Variants in QRICH1 observed in about 807,000 individuals in gnomAD.
The protein encoded by QRICH1 is transcriptional regulator QRICH1.
QRICH1 carries 16 observed loss-of-function variants against 87.1 expected under a neutral mutation model. The ratio of observed to expected loss-of-function variants is 0.18; its 90% CI spans 0.12 to 0.28. QRICH1 has a LOEUF of 0.28. Ranked by LOEUF, QRICH1 falls within the 10% of genes least tolerant of loss-of-function variation. The pLI, the probability that QRICH1 is intolerant of heterozygous loss-of-function variation, is 1.00. For synonymous variants in QRICH1, 367 were observed against 368.4 expected (o/e 1.00, Z 0.05); for missense variants, 647 against 951.7 (o/e 0.68, Z 4.21).
intron 3 of QRICH1, among the ~76,000 whole-genome samples, chr3:49,054,147 C>G (rs2093387734): frequency 2.0e-5 from 3 of 152,156 alleles, no homozygotes; most frequent in Non-Finnish European, 4.4e-5. Context: ...CACTGGCCCA[C>G]TAAAATGAAC....
chr3:49,048,469 G>C (rs1430365134), intron 3 of QRICH1, among the ~76,000 whole-genome samples: 25 of 146,048 alleles, frequency 1.7e-4, no homozygotes, highest in Non-Finnish European at 3.3e-4. Flanking sequence ...AAATCATCTG[G>C]ATTGCTTTAA....
rs536958021 is a variant in QRICH1 at position 49,039,590 on chromosome 3, C to T, written c.1786+4800G>A. 7.5e-4 allele frequency among the ~76,000 whole-genome samples: 93 copies of T among 124,068 alleles called. 1 individual carries two copies. The highest frequency in any genetic ancestry group is 2.7e-3 in the African/African-American group (85 of 31,464). 81.4% of individuals were successfully genotyped at this position (124,068 alleles called of 152,430 possible). ...GTGCTGAGATTGCACCACTGCACTC[C>T]AGCCTAGGCAACACAGAGACTCCAT... On this transcript the variant is annotated intron_variant, in intron 6 of 9. Transcript: ENST00000395443.
chr3:49,046,646 T>A (rs547326298), intron 4 of QRICH1, 67 bp from the exon 5 acceptor site: 1 of 1,536,980 alleles, frequency 6.5e-7, no homozygotes, highest in African/African-American at 1.4e-5. Flanking sequence ...TCAGAACAGA[T>A]ACTGCCCATC....
intron 2 of QRICH1, among the ~76,000 whole-genome samples, chr3:49,058,218 C>A (rs2093414655): frequency 6.6e-6 from 1 of 151,822 alleles, no homozygotes; most frequent in Non-Finnish European, 1.5e-5. Flanking sequence ...GGCGCAATCT[C>A]AGCTCACTGC....
intron 2 of QRICH1, among the ~76,000 whole-genome samples, chr3:49,064,172 C>T (rs1313353007): frequency 2.0e-5 from 3 of 151,572 alleles, no homozygotes; most frequent in Non-Finnish European, 2.9e-5. Context: ...CTCAGGTGAT[C>T]CGCCTGCCTC....
intron 1 of QRICH1, among the ~76,000 whole-genome samples, chr3:49,085,911 AT>A (rs2042158919): frequency 6.6e-6 from 1 of 152,138 alleles, no homozygotes; most frequent in African/African-American, 2.4e-5. Flanking sequence ...GAGACAAAAG[AT>A]TCTTAATTAG....
At chr3:49,031,913 A>G (rs2093242930) in intron 9 of QRICH1, among the ~76,000 whole-genome samples, 1 of 152,216 alleles carries the variant, frequency 6.6e-6, no homozygotes, top group Non-Finnish European at 1.5e-5. Flanking sequence ...TCAATATGTG[A>G]TGAAGGTAGA....
rs1364906561 is a variant in QRICH1, at chr3:49,094,014, AG to A, written c.-125del. On this transcript the variant is annotated 5_prime_UTR_variant, in exon 1 of 10. Coordinates refer to ENST00000395443, the MANE Select transcript of QRICH1 (RefSeq NM_198880.3). ...CTGCCGTCGTCGCTCCAAGACCGACAGGGTTTTCTCCTCACAGCTCCCTGGG... is the reference window on the plus strand; with the variant it reads ...CTGCCGTCGTCGCTCCAAGACCGACAGGTTTTCTCCTCACAGCTCCCTGGG... The A allele has an allele frequency of 5.0e-6, 2 of 398,920 alleles. No individual in the cohort carries two copies. The highest frequency in any genetic ancestry group is 4.1e-5 in the African/African-American group (2 of 48,634). The allele number at this position is 398,920 out of a possible 1,614,324, so 24.7% of individuals were successfully genotyped here.
In QRICH1 at chr3:49,057,176, C is replaced by T. The variant is rs1338618407; in HGVS notation, c.1024G>A (p.Val342Ile). The change falls in exon 3 of 10, where the codon GTC becomes ATC. Residue 342 changes from valine (V) to isoleucine (I), a missense_variant. Val to Ile is a conservative substitution (Grantham distance 29, BLOSUM62 3). Transcript: ENST00000395443. The surrounding 1 kb of genome is among the most constrained non-coding windows in gnomAD (Gnocchi z 5.4). ...GCCAGGGCTGTGGGTGAGCCACTGA[C>T]GTGAACTGCGTTGTAGGCTTCCTGG... is the stretch of plus-strand genomic sequence containing the variant. ...IPQEAYNAVHVSGSPTALAAV... is the reference protein window; with the variant it reads ...IPQEAYNAVHISGSPTALAAV... The T allele has an allele frequency of 7.4e-6, 12 of 1,614,082 alleles. No homozygotes were observed. In the South Asian group the frequency reaches 7.7e-5, roughly 10 times the overall value.
At chr3:49,034,389 C>A (rs1466716612) in intron 6 of QRICH1, among the ~76,000 whole-genome samples, 1 of 151,404 alleles carries the variant, frequency 6.6e-6, no homozygotes, top group African/African-American at 2.4e-5. Context: ...CTGCAGTGAG[C>A]CGTGATCGCA....
intron 1 of QRICH1, among the ~76,000 whole-genome samples, chr3:49,086,514 C>T (rs1297696558): frequency 1.3e-5 from 2 of 152,140 alleles, no homozygotes; most frequent in Non-Finnish European, 2.9e-5. Flanking sequence ...CCTCCCAAAA[C>T]TGGGATTACA....
At chr3:49,036,694 A>C (rs1215610802) in intron 6 of QRICH1, among the ~76,000 whole-genome samples, 2 of 77,826 alleles carry the variant, frequency 2.6e-5, no homozygotes, top group Non-Finnish European at 5.0e-5. Flanking sequence ...AAAAAGAAAA[A>C]ACAAAAAAAA....
chr3:49,048,477 TAA>T (rs1019786820), intron 3 of QRICH1, among the ~76,000 whole-genome samples: 6 of 132,500 alleles, frequency 4.5e-5, no homozygotes, highest in African/African-American at 5.7e-5. Flanking sequence ...TGGATTGCTT[TAA>T]AAAAAAAAAA....
intron 3 of QRICH1, among the ~76,000 whole-genome samples, chr3:49,053,281 G>C (rs1378641595): frequency 6.6e-6 from 1 of 152,030 alleles, no homozygotes; most frequent in Admixed American, 6.6e-5. Context: ...GAGGTCAGGA[G>C]ATCGAGACCA....
chr3:49,037,372 T>C (rs1466283775), intron 6 of QRICH1, among the ~76,000 whole-genome samples: 1 of 152,148 alleles, frequency 6.6e-6, no homozygotes, highest in Non-Finnish European at 1.5e-5. Context: ...TGTGTGACAA[T>C]TTCAAAGGCT....
intron 1 of QRICH1, among the ~76,000 whole-genome samples, chr3:49,077,595 C>T (rs1218881022): frequency 6.6e-6 from 1 of 152,192 alleles, no homozygotes; most frequent in East Asian, 1.9e-4. Context: ...CATTCTTTTG[C>T]AACACAGCTT....
At chr3:49,048,697 A>G (rs1299609924) in intron 3 of QRICH1, among the ~76,000 whole-genome samples, 4 of 147,492 alleles carry the variant, frequency 2.7e-5, no homozygotes, top group African/African-American at 1.0e-4. Flanking sequence ...CTGAGGCAGG[A>G]GAATGGCATG....
chr3:49,029,822 C>A lies in QRICH1; in HGVS notation c.*630G>T. ...TGTATGTTACAAGAATTCCATCAGG[C>A]ACAGGAGCCTCAGGTTTTAAGGCCT... On this transcript the variant is annotated 3_prime_UTR_variant, in exon 10 of 10. Transcript: ENST00000395443. 2 of 176,356 alleles carry A rather than the reference C, an allele frequency of 1.1e-5. No homozygotes were observed. Among genetic ancestry groups the A allele is most frequent in the Non-Finnish European group, 2.5e-5 (2 of 81,340 alleles). 10.9% of individuals were successfully genotyped at this position (176,356 alleles called of 1,614,324 possible).
At chr3:49,047,781 T>C (rs2093347217) in intron 3 of QRICH1, among the ~76,000 whole-genome samples, 1 of 151,878 alleles carries the variant, frequency 6.6e-6, no homozygotes, top group Non-Finnish European at 1.5e-5. Flanking sequence ...CTGTGCCCGG[T>C]CAAATCTTTT....
Sources: allele counts gnomAD v4.1 joint callset (sites outside exome capture counted in the v4.1 genomes callset), GRCh38; gene constraint gnomAD v4.1.1; non-coding constraint Gnocchi (gnomAD v3.1); transcripts MANE v1.5; gene names NCBI Gene and HGNC (gene_info 2026-07-23, HGNC 2026-07-21).